STAP1: variants seen among roughly 807,000 people sequenced by gnomAD.
The protein encoded by STAP1 is signal-transducing adaptor protein 1.
A neutral mutation model predicts 37.8 loss-of-function variants in STAP1; 30 were observed. The observed-to-expected ratio is 0.79, with a 90% CI of 0.59 to 1.08. The LOEUF (loss-of-function observed/expected upper bound fraction) is 1.08. Among genes scored for constraint, STAP1 ranks in the 50% least tolerant of loss-of-function variants. The pLI, the probability that STAP1 is intolerant of heterozygous loss-of-function variation, is 0.00. For synonymous variants in STAP1, 130 were observed against 116.0 expected, an observed-to-expected ratio of 1.12 and a Z score of -0.78; for missense variants, 357 against 349.4, an observed-to-expected ratio of 1.02 and a Z score of -0.17.
chr4:67,568,159 C>T (rs1727513910), intron 1 of STAP1, among the ~76,000 whole-genome samples: 1 of 152,032 alleles, frequency 6.6e-6, no homozygotes, highest in South Asian at 2.1e-4. Context: ...AGAAAATAAG[C>T]ATATAAATTC....
intron 4 of STAP1, among the ~76,000 whole-genome samples, 175 bp downstream of exon 4, chr4:67,577,434 G>A (rs1367644760): frequency 6.6e-6 from 1 of 152,128 alleles, no homozygotes; most frequent in Non-Finnish European, 1.5e-5. Flanking sequence ...TGGAGAGGGA[G>A]AAAGTAAACA....
chr4:67,598,888 G>A (rs1421488001), intron 8 of STAP1, among the ~76,000 whole-genome samples: 1 of 152,090 alleles, frequency 6.6e-6, no homozygotes, highest in African/African-American at 2.4e-5. Flanking sequence ...ATGTTTTCTT[G>A]GAGTAGTTCC....
chr4:67,600,970 T>A (rs1177591985), intron 8 of STAP1, among the ~76,000 whole-genome samples: 1 of 152,196 alleles, frequency 6.6e-6, no homozygotes, highest in Admixed American at 6.5e-5. Context: ...CCATTTATAT[T>A]CAATGTATTA....
chr4:67,595,795 C>T (rs1728212048), intron 8 of STAP1, among the ~76,000 whole-genome samples: 1 of 152,112 alleles, frequency 6.6e-6, no homozygotes, highest in Non-Finnish European at 1.5e-5. Flanking sequence ...ATCCTGTTGC[C>T]ATCCAGAGAA....
At chr4:67,563,474 G>C (rs1285501688) in intron 1 of STAP1, among the ~76,000 whole-genome samples, 1 of 152,134 alleles carries the variant, frequency 6.6e-6, no homozygotes, top group Non-Finnish European at 1.5e-5. Context: ...TGGAGGCCAA[G>C]GCAGGAGGAT....
At chr4:67,586,771 A>G (rs1279515436) in intron 6 of STAP1, among the ~76,000 whole-genome samples, 2 of 152,242 alleles carry the variant, frequency 1.3e-5, no homozygotes, top group African/African-American at 2.4e-5. Flanking sequence ...TTGAATTCAT[A>G]TAGAAATTCA....
chr4:67,606,456 AT>A lies in STAP1; in HGVS notation c.*101del. On this transcript the variant is annotated 3_prime_UTR_variant, in exon 9 of 9. Coordinates refer to ENST00000265404, the MANE Select transcript of STAP1 (RefSeq NM_012108.4). ...AATTACCTATATTCTCCTGATACTG[AT>A]TACCAAGTCATTCACCTGAACACCA... is the stretch of plus-strand genomic sequence containing the variant. 1 of 959,124 alleles carries A rather than the reference AT, an allele frequency of 1.0e-6. No homozygotes were observed. The highest frequency in any genetic ancestry group is 1.5e-6 in the Non-Finnish European group (1 of 650,482). The allele number at this position is 959,124 out of a possible 1,614,324, so 59.4% of individuals were successfully genotyped here. A position where few individuals can be genotyped will look rare whatever the true frequency, so the allele number is the denominator to read the frequency against.
At chr4:67,579,979 C>T (rs1176830534) in intron 4 of STAP1, among the ~76,000 whole-genome samples, 1 of 152,100 alleles carries the variant, frequency 6.6e-6, no homozygotes, top group African/African-American at 2.4e-5. Flanking sequence ...AATCGTCCTG[C>T]CTCAGCCTCC....
intron 1 of STAP1, 64 bp from the exon 2 acceptor site, chr4:67,571,020 A>G: frequency 7.7e-7 from 1 of 1,304,420 alleles, no homozygotes. Context: ...ACAAAGGATA[A>G]TATTATTAGA....
Position 67,577,853 on chromosome 4 carries a change from T to G in STAP1, c.363+594T>G, listed in dbSNP as rs182320340. ...TAGTAGAGATGAGGTTTCATCATGTTGGCCAGGCTGGTTTGGAACTCCTGG... is the reference window on the plus strand; with the variant it reads ...TAGTAGAGATGAGGTTTCATCATGTGGGCCAGGCTGGTTTGGAACTCCTGG... On this transcript the variant is annotated intron_variant, in intron 4 of 8. Transcript: ENST00000265404. Among the ~76,000 whole-genome samples, 631 of 152,194 alleles carry G rather than the reference T, an allele frequency of 4.1e-3. 6 individuals carry two copies. Among genetic ancestry groups the G allele is most frequent in the African/African-American group, 0.015 (605 of 41,516 alleles).
chr4:67,559,126 A>G (rs1727278380), intron 1 of STAP1, among the ~76,000 whole-genome samples, 197 bp downstream of exon 1: 1 of 152,194 alleles, frequency 6.6e-6, no homozygotes, highest in African/African-American at 2.4e-5. Flanking sequence ...GTATACACAT[A>G]TATAATATGT....
chr4:67,562,221 G>A (rs1477515603), intron 1 of STAP1, among the ~76,000 whole-genome samples: 3 of 151,034 alleles, frequency 2.0e-5, no homozygotes, highest in African/African-American at 7.3e-5. Context: ...GGCCGGGCCC[G>A]GTCCCAGCTA....
Position 67,583,652 on chromosome 4 carries a change from G to T in STAP1, c.609G>T (p.Arg203Ser). ...CTTCTTTGGGAAATATGATCCTGAG[G>T]CCTGGTAGTGACAGTAGAAACTACT... ...KNPSLGNMIL[R>S]PGSDSRNYSI... Residue 203 changes from arginine to serine, a missense_variant, in exon 6 of 9, where the codon AGG becomes AGT. Coordinates refer to ENST00000265404, the MANE Select transcript of STAP1 (RefSeq NM_012108.4). The T allele has an allele frequency of 6.2e-7, 1 of 1,613,896 alleles. No homozygotes were observed. Among genetic ancestry groups the T allele is most frequent in the South Asian group, 1.1e-5 (1 of 91,068 alleles).
intron 8 of STAP1, among the ~76,000 whole-genome samples, chr4:67,599,726 C>T (rs1728300813): frequency 6.6e-6 from 1 of 151,974 alleles, no homozygotes; most frequent in African/African-American, 2.4e-5. Flanking sequence ...ACTGCAACCT[C>T]CACCTCCCGG....
At chr4:67,583,730 A>C in intron 6 of STAP1, 28 bp downstream of exon 6, 5 of 1,601,788 alleles carry the variant, frequency 3.1e-6, no homozygotes. Context: ...AAATGTATGG[A>C]ATTTTTAAAA....
At position 67,595,031 on chromosome 4, in the gene STAP1, T is replaced by G. The variant is rs115648927; in HGVS notation, c.826+1675T>G. Among the ~76,000 whole-genome samples the G allele has an allele frequency of 8.2e-3, 1,251 of 152,218 alleles. 16 individuals are homozygous for G. Among genetic ancestry groups the G allele is most frequent in the African/African-American group, 0.029 (1,196 of 41,528 alleles). On this transcript the variant is annotated intron_variant, in intron 8 of 8. Transcript: ENST00000265404. ...ACAGTGTCTTTAGGAGAGCAGAAGT[T>G]TTAAATTTTGCTTCTGTAGATTGTA...
At chr4:67,577,110 T>A (rs917484428) in intron 3 of STAP1, 93 bp from the exon 4 acceptor site, 5 of 1,149,764 alleles carry the variant, frequency 4.3e-6, no homozygotes, top group Middle Eastern at 2.7e-4. Flanking sequence ...GAAAATGAAT[T>A]ATTTTTTAGG....
chr4:67,567,767 T>A (rs193220431), intron 1 of STAP1, among the ~76,000 whole-genome samples: 1 of 152,300 alleles, frequency 6.6e-6, no homozygotes, highest in East Asian at 1.9e-4. Context: ...AAAGAATGGA[T>A]AGAGTGAGAC....
At chr4:67,604,192 C>A (rs1728402178) in intron 8 of STAP1, among the ~76,000 whole-genome samples, 1 of 152,220 alleles carries the variant, frequency 6.6e-6, no homozygotes, top group Non-Finnish European at 1.5e-5. Flanking sequence ...CTGTCTACTT[C>A]TTTTCCTAAG....
Sources: allele counts gnomAD v4.1 joint callset (sites outside exome capture counted in the v4.1 genomes callset), GRCh38; gene constraint gnomAD v4.1.1; transcripts MANE v1.5; gene names NCBI Gene and HGNC (gene_info 2026-07-23, HGNC 2026-07-21).